FLII: variants seen among roughly 807,000 people sequenced by gnomAD.
FLII encodes FLII actin remodeling protein, also known as protein flightless-1 homolog.
In FLII, 101 loss-of-function variants were observed where a neutral mutation model predicts 156.2. The ratio of observed to expected loss-of-function variants is 0.65; its 90% CI spans 0.55 to 0.76. The LOEUF (loss-of-function observed/expected upper bound fraction) is 0.76. FLII is among the 30% of genes least tolerant of loss of function. The probability of loss-of-function intolerance (pLI) is 0.00; values close to 1 mark genes in which losing one functional copy is unlikely to be tolerated. For missense variants in FLII, 1,675 were observed against 1,682.8 expected (o/e 1.00, Z 0.08); for synonymous variants, 767 against 685.8 (o/e 1.12, Z -1.85).
Position 18,254,778 on chromosome 17 carries a change from C to CT in FLII, c.403dup (p.Ser135LysfsTer18). On this transcript the variant is annotated frameshift_variant, in exon 5 of 30. Coordinates refer to ENST00000327031, the MANE Select transcript of FLII (RefSeq NM_002018.4). LOFTEE classifies it high-confidence loss of function. ...CCCACTGGCCTGGCACCTGTTGTGG[C>CT]TGAGGTTCAGCACCAGCATGTTCTT... 6.2e-7 allele frequency: 1 copy of CT among 1,614,104 alleles called. No individual in the cohort carries two copies. The highest frequency in any genetic ancestry group is 8.5e-7 in the Non-Finnish European group (1 of 1,180,000).
Position 18,247,320 on chromosome 17 carries a change from A to G in FLII, c.2525T>C (p.Leu842Ser). ...CGCATTGCGTGTGTAGTCCACCGTC[A>G]ACACATCGTCCCAATTCTTGAACTT... ...KAKFKNWDDVLTVDYTRNAEA... is the reference protein window; with the variant it reads ...KAKFKNWDDVSTVDYTRNAEA... The change falls in exon 21 of 30, where the codon TTG becomes TCG. Residue 842 changes from leucine (L) to serine (S), a missense_variant. This residue lies in a region of FLII where 1,332 missense variants were observed against 1,269.3 expected (regional missense o/e 1.05). Transcript: ENST00000327031. The G allele has an allele frequency of 6.2e-7, 1 of 1,609,378 alleles. No individual in the cohort carries two copies. The highest frequency in any genetic ancestry group is 1.3e-5 in the African/African-American group (1 of 74,478).
At chr17:18,254,246 G>C (rs1278546168) in intron 6 of FLII, 64 bp from the exon 7 acceptor site, 1 of 1,336,498 alleles carries the variant, frequency 7.5e-7, no homozygotes, top group African/African-American at 1.5e-5. Context: ...GGTGGGGCTT[G>C]GCAGGGCAGG....
In FLII at chr17:18,250,866, A is replaced by G. The variant is rs1347557885; in HGVS notation, c.1748T>C (p.Met583Thr). 3.1e-6 allele frequency: 5 copies of G among 1,613,614 alleles called. No homozygotes were observed. Among genetic ancestry groups the G allele is most frequent in the Non-Finnish European group, 4.2e-6 (5 of 1,179,752 alleles). ...GAECRTVREE[M>T]GDESEEFLQV... The stretch of plus-strand genomic sequence containing the variant: ...CAGGAACTCCTCGCTCTCATCGCCC[A>G]TCTCCTCCCGGACAGTGCGGCACTC... Residue 583 changes from methionine to threonine, a missense_variant, in exon 14 of 30, where the codon ATG becomes ACG. Physicochemically the swap from Met to Thr is moderately conservative, Grantham distance 81. Around this residue, in one of 2 missense-constraint regions of FLII, gnomAD observed 1,332 missense variants for 1,269.3 expected, o/e 1.05. Transcript: ENST00000327031.
chr17:18,246,670 G>A lies in FLII; in HGVS notation c.2975C>T (p.Ala992Val), dbSNP rs2048068734. The change falls in exon 23 of 30, where the codon GCC becomes GTC. Residue 992 changes from alanine to valine, a missense_variant. Coordinates refer to ENST00000327031, the MANE Select transcript of FLII (RefSeq NM_002018.4). ...GAAGGTGAGCCAGCCCATATTGGAG[G>A]CTTCACGGCCCTGCCAGAAGTACAC... ...CIVYFWQGREASNMGWLTFTF... is the reference protein window; with the variant it reads ...CIVYFWQGREVSNMGWLTFTF... 3 of 1,613,818 alleles carry A rather than the reference G, an allele frequency of 1.9e-6. No homozygotes were observed. The highest frequency in any genetic ancestry group is 2.5e-6 in the Non-Finnish European group (3 of 1,179,892).
intron 18 of FLII, 71 bp from the exon 19 acceptor site, chr17:18,248,104 C>T: frequency 9.3e-7 from 1 of 1,071,276 alleles, no homozygotes; most frequent in African/African-American, 1.6e-5. Flanking sequence ...GCCCTCTGCT[C>T]TGGAACCAGC....
At chr17:18,249,455 C>T in intron 14 of FLII, 47 bp from the exon 15 acceptor site, 1 of 1,478,356 alleles carries the variant, frequency 6.8e-7, no homozygotes, top group South Asian at 1.1e-5. Context: ...TGCCCCCTCC[C>T]CCACCAACCA....
In FLII at chr17:18,245,869, C is replaced by T. The variant is rs373302992; in HGVS notation, c.3397-19G>A. 19 of 1,614,014 alleles carry T rather than the reference C, an allele frequency of 1.2e-5. No homozygotes were observed. The African/African-American group carries it at 2.3e-4, about 19-fold the overall frequency. ...TGATAACCTGCGGGAAAGGCCAGTC[C>T]AGCCCAGGGCCCCTGCCTGCCCTGG... On this transcript the variant is annotated intron_variant, in intron 26 of 29. Coordinates refer to ENST00000327031, the MANE Select transcript of FLII (RefSeq NM_002018.4).
chr17:18,254,927 G>C, intron 4 of FLII, 73 bp from the exon 5 acceptor site: 1 of 1,480,678 alleles, frequency 6.8e-7, no homozygotes, highest in African/African-American at 1.4e-5. Context: ...TTGGGGATCA[G>C]GCAGGGCACT....
rs772401250 is a variant in FLII, at chr17:18,246,048, A to C, written c.3282T>G (p.Ser1094Arg). ...CATACACGATGCCCTGGTTGTCCTCACTCTCAAAGGGAACCTGGGGAGTGT... is the reference window on the plus strand; with the variant it reads ...CATACACGATGCCCTGGTTGTCCTCCCTCTCAAAGGGAACCTGGGGAGTGT... Reference protein sequence around the residue: ...FCFILKVPFESEDNQGIVYAW... With the variant: ...FCFILKVPFEREDNQGIVYAW... Residue 1094 changes from serine to arginine, a missense_variant, in exon 26 of 30, where the codon AGT (serine) becomes AGG (arginine). This residue lies in a region of FLII where 1,332 missense variants were observed against 1,269.3 expected (regional missense o/e 1.05). Coordinates refer to ENST00000327031, the MANE Select transcript of FLII (RefSeq NM_002018.4). 6.2e-7 allele frequency: 1 copy of C among 1,613,854 alleles called. No individual in the cohort carries two copies. Among genetic ancestry groups the C allele is most frequent in the East Asian group, 2.2e-5 (1 of 44,846 alleles).
upstream of FLII, chr17:18,258,746 C>T: frequency 8.1e-7 from 1 of 1,241,950 alleles, no homozygotes; most frequent in Non-Finnish European, 1.0e-6. The surrounding 1 kb of genome is among the most constrained non-coding windows in gnomAD (Gnocchi z 4.2). Flanking sequence ...GGCGAGGGCG[C>T]TGGGGGGAGC....
chr17:18,257,648 C>T (rs1407637363), intron 1 of FLII, among the ~76,000 whole-genome samples: 1 of 152,238 alleles, frequency 6.6e-6, no homozygotes, highest in Non-Finnish European at 1.5e-5. Flanking sequence ...CAGCTGGTGA[C>T]TCGGACTCTC....
rs767577397 is a variant in FLII at position 18,252,473 on chromosome 17, T to C, written c.1097A>G (p.Glu366Gly). The change falls in exon 10 of 30, where the codon GAG becomes GGG. Residue 366 changes from glutamate (E) to glycine (G), a missense_variant and splice_region_variant. By Grantham distance (98) the Glu-to-Gly change is moderately conservative. Coordinates refer to ENST00000327031, the MANE Select transcript of FLII (RefSeq NM_002018.4). Reference protein sequence around the residue: ...PEAIHFLTEIEVLDVRENPNL... With the variant: ...PEAIHFLTEIGVLDVRENPNL... The stretch of plus-strand genomic sequence containing the variant: ...CCTCTCAAACCCAGCATGCCTGACC[T>C]CGATCTCCGTCAGGAAATGGATGGC... The C allele has an allele frequency of 1.2e-6, 2 of 1,613,262 alleles. No individual in the cohort carries two copies. Among genetic ancestry groups the C allele is most frequent in the East Asian group, 4.5e-5 (2 of 44,876 alleles).
rs2048375716 is a variant in FLII, at chr17:18,255,062, C to G, written c.327+121G>C. ...GTGACCTCAGGCAAGGTATTATCCA[C>G]TCCAAGACTCAGTTTTCCCATCTGC... On this transcript the variant is annotated intron_variant, in intron 4 of 29. Transcript: ENST00000327031. The G allele has an allele frequency of 1.7e-5, 16 of 955,124 alleles. No homozygotes were observed. The East Asian group carries it at 3.8e-4, about 23-fold the overall frequency. 59.2% of individuals were successfully genotyped at this position (955,124 alleles called of 1,614,324 possible).
At chr17:18,255,401 T>G in intron 3 of FLII, 138 bp from the exon 4 acceptor site, 1 of 661,470 alleles carries the variant, frequency 1.5e-6, no homozygotes, top group African/African-American at 1.8e-5. Flanking sequence ...TTTGATCAAA[T>G]AGCTCCCTCT....
intron 15 of FLII, 30 bp downstream of exon 15, chr17:18,249,296 C>G: frequency 6.2e-7 from 1 of 1,612,116 alleles, no homozygotes; most frequent in African/African-American, 1.3e-5. Context: ...GACTCCAGGT[C>G]CATACCCCCC....
intron 3 of FLII, among the ~76,000 whole-genome samples, chr17:18,255,663 TA>T (rs1230947674): frequency 6.6e-6 from 1 of 151,496 alleles, no homozygotes; most frequent in African/African-American, 2.4e-5. Context: ...CTCCCTAACT[TA>T]AGACTGACAC....
rs1409954699 is a variant in FLII, at chr17:18,248,638, T to C, written c.2102A>G (p.Glu701Gly). 1.9e-6 allele frequency: 3 copies of C among 1,613,976 alleles called. No individual in the cohort carries two copies. The highest frequency in any genetic ancestry group is 1.6e-4 in the Middle Eastern group (1 of 6,062). Residue 701 changes from glutamate (E) to glycine (G), a missense_variant, in exon 18 of 30, where the codon GAG becomes GGG. Physicochemically the swap from Glu to Gly is moderately conservative, Grantham distance 98. This residue lies in a region of FLII where 1,332 missense variants were observed against 1,269.3 expected (regional missense o/e 1.05). Coordinates refer to ENST00000327031, the MANE Select transcript of FLII (RefSeq NM_002018.4). ...TLLVQGQELP[E>G]FWEALGGEPS... ...CTCCCCACCCAGTGCCTCCCAGAAC[T>C]CTGGGAGCTCCTGGCCCTGCACCAG... is the stretch of plus-strand genomic sequence containing the variant.
At position 18,250,827 on chromosome 17, in the gene FLII, C is replaced by T. The variant is rs200810654; in HGVS notation, c.1776+11G>A. On this transcript the variant is annotated intron_variant, in intron 14 of 29. Transcript: ENST00000327031. ...CCACTCTGCCCACCCCCAATTTTAA[C>T]GGGCTGGCACCTGCAGGAACTCCTC... 3.0e-5 allele frequency: 48 copies of T among 1,601,180 alleles called. No homozygotes were observed. The highest frequency in any genetic ancestry group is 1.9e-4 in the African/African-American group (14 of 74,808).
intron 14 of FLII, 30 bp from the exon 15 acceptor site, chr17:18,249,438 A>G: frequency 6.3e-7 from 1 of 1,582,246 alleles, no homozygotes; most frequent in Non-Finnish European, 8.7e-7. Flanking sequence ...GTTCTTCATC[A>G]CTGAGCTGCC....
Sources: allele counts gnomAD v4.1 joint callset (sites outside exome capture counted in the v4.1 genomes callset), GRCh38; gene constraint gnomAD v4.1.1; regional missense constraint gnomAD v4.1.1; non-coding constraint Gnocchi (gnomAD v3.1); transcripts MANE v1.5; gene names NCBI Gene and HGNC (gene_info 2026-07-23, HGNC 2026-07-21).